The following LEPROTL1 variants were observed in gnomAD, a reference collection of about 807,000 sequenced individuals.
The protein encoded by LEPROTL1 is leptin receptor overlapping transcript-like 1.
In LEPROTL1, 6 loss-of-function variants were observed where a neutral mutation model predicts 15.4. That is an observed-to-expected ratio of 0.39 (90% CI 0.21 to 0.77). The LOEUF (loss-of-function observed/expected upper bound fraction) is 0.77. LEPROTL1 is among the 30% of genes least tolerant of loss of function. The pLI, the probability that LEPROTL1 is intolerant of heterozygous loss-of-function variation, is 0.41. For missense variants in LEPROTL1, 128 were observed against 158.1 expected, an observed-to-expected ratio of 0.81 and a Z score of 1.02; for synonymous variants, 56 against 52.6, an observed-to-expected ratio of 1.06 and a Z score of -0.28.
chr8:30,109,322 A>G (rs530598228), downstream of LEPROTL1, among the ~76,000 whole-genome samples: 15 of 152,280 alleles, frequency 9.9e-5, no homozygotes, highest in East Asian at 2.9e-3. Context: ...AGTGAAGATT[A>G]GGAGCTCTGA....
intron 4 of LEPROTL1, among the ~76,000 whole-genome samples, chr8:30,133,962 T>A (rs1585483005): frequency 6.6e-6 from 1 of 152,068 alleles, no homozygotes; most frequent in African/African-American, 2.4e-5. Context: ...AACCACAACC[T>A]TGCATAACAA....
At chr8:30,129,248 G>A (rs572756348) in intron 3 of LEPROTL1, among the ~76,000 whole-genome samples, 29 of 152,270 alleles carry the variant, frequency 1.9e-4, no homozygotes, top group African/African-American at 6.7e-4. Context: ...GACCCTCACT[G>A]TGTTATGTTC....
At chr8:30,126,958 T>G (rs1437734165) in intron 3 of LEPROTL1, among the ~76,000 whole-genome samples, 1 of 152,056 alleles carries the variant, frequency 6.6e-6, no homozygotes, top group Admixed American at 6.5e-5. Context: ...GAGAATCGCT[T>G]GAACCCAGGA....
Position 30,107,235 on chromosome 8 carries a change from C to T in LEPROTL1, c.*1373C>T. 1.0e-6 allele frequency: 1 copy of T among 985,438 alleles called. No homozygotes were observed. The highest frequency in any genetic ancestry group is 1.2e-6 in the Non-Finnish European group (1 of 829,922). The allele number at this position is 985,438 out of a possible 1,614,324, so 61.0% of individuals were successfully genotyped here. A position where few individuals can be genotyped will look rare whatever the true frequency, so the allele number is the denominator to read the frequency against. On this transcript the variant is annotated 3_prime_UTR_variant, in exon 4 of 4. Coordinates refer to ENST00000321250, the MANE Select transcript of LEPROTL1 (RefSeq NM_015344.3). ...TCCAGCTATATAGCAGCTTCAGAAA[C>T]ATACCTGACCAAAAAATTCCCAGTA...
chr8:30,137,518 G>A (rs1341655807), exon 5 of LEPROTL1: 2 of 1,510,492 alleles, frequency 1.3e-6, no homozygotes, highest in African/African-American at 2.8e-5. Flanking sequence ...ACTGCTCAGT[G>A]CCAGACACTG....
chr8:30,098,028 T>TG (rs1802401753), intron 1 of LEPROTL1, among the ~76,000 whole-genome samples: 1 of 152,134 alleles, frequency 6.6e-6, no homozygotes, highest in African/African-American at 2.4e-5. Flanking sequence ...GAGGCCCTCA[T>TG]GGTCCTAAGG....
chr8:30,111,004 G>A (rs1324573367), downstream of LEPROTL1, among the ~76,000 whole-genome samples: 1 of 152,168 alleles, frequency 6.6e-6, no homozygotes, highest in Non-Finnish European at 1.5e-5. Context: ...AAATGAACTT[G>A]TGTAGATTTG....
At chr8:30,130,994 G>T (rs1419466408) in intron 3 of LEPROTL1, among the ~76,000 whole-genome samples, 2 of 151,758 alleles carry the variant, frequency 1.3e-5, no homozygotes, top group African/African-American at 2.4e-5. Context: ...TGGCCAGGCT[G>T]GTCTTGAACT....
chr8:30,136,951 G>A (rs962526831), intron 4 of LEPROTL1, among the ~76,000 whole-genome samples: 29 of 152,198 alleles, frequency 1.9e-4, no homozygotes, highest in African/African-American at 6.0e-4. Flanking sequence ...GCCTCCCAAA[G>A]TGTTGGGATT....
intron 1 of LEPROTL1, 34 bp downstream of exon 1, chr8:30,095,562 G>A (rs1339203784): frequency 3.7e-5 from 50 of 1,355,306 alleles, no homozygotes; most frequent in Admixed American, 7.3e-5. Context: ...GGAGGGCTGG[G>A]GCCGGCGGGG....
intron 3 of LEPROTL1, among the ~76,000 whole-genome samples, chr8:30,127,972 G>C (rs1802933279): frequency 6.6e-6 from 1 of 152,132 alleles, no homozygotes; most frequent in South Asian, 2.1e-4. Context: ...GGAAGTAATA[G>C]AGTGGGTAAT....
At chr8:30,105,117 GT>G (rs1802540893) in intron 3 of LEPROTL1, 1 of 152,282 alleles carries the variant, frequency 6.6e-6, no homozygotes, top group Non-Finnish European at 1.5e-5. Flanking sequence ...ACCTGAGAAG[GT>G]GCATGTGCTC....
At chr8:30,131,854 A>G (rs1803021066) in intron 3 of LEPROTL1, 1 of 1,430,210 alleles carries the variant, frequency 7.0e-7, no homozygotes, top group East Asian at 2.5e-5. Flanking sequence ...TTTATTATGG[A>G]AAAGTTCAAA....
intron 3 of LEPROTL1, among the ~76,000 whole-genome samples, chr8:30,119,029 C>A (rs1802785794): frequency 6.6e-6 from 1 of 152,208 alleles, no homozygotes; most frequent in Non-Finnish European, 1.5e-5. Flanking sequence ...ATATTTCAGA[C>A]TATCACATGG....
chr8:30,129,641 G>C (rs1196075599), intron 3 of LEPROTL1, among the ~76,000 whole-genome samples: 1 of 150,040 alleles, frequency 6.7e-6, no homozygotes, highest in Non-Finnish European at 1.5e-5. Flanking sequence ...GGAGGCAGAG[G>C]TTGCAATGAG....
chr8:30,132,529 A>T, intron 4 of LEPROTL1: 1 of 1,551,684 alleles, frequency 6.4e-7, no homozygotes, highest in African/African-American at 1.4e-5. Context: ...CACGACATAG[A>T]TGCACTCGAA....
downstream of LEPROTL1, among the ~76,000 whole-genome samples, chr8:30,109,359 G>A (rs1802621378): frequency 6.6e-6 from 1 of 152,110 alleles, no homozygotes; most frequent in Non-Finnish European, 1.5e-5. Flanking sequence ...TTCATTTTAT[G>A]GCATTCTCAA....
At chr8:30,095,774 C>G (rs554474173) in intron 1 of LEPROTL1, 2 of 700,450 alleles carry the variant, frequency 2.9e-6, no homozygotes, top group East Asian at 5.4e-5. Flanking sequence ...TCGGCAGCCT[C>G]TCTCCCACCC....
intron 2 of LEPROTL1, among the ~76,000 whole-genome samples, chr8:30,103,578 T>C (rs1802505892): frequency 6.6e-6 from 1 of 151,850 alleles, no homozygotes; most frequent in African/African-American, 2.4e-5. Flanking sequence ...CCATCTCCAC[T>C]AAAAATACAA....
Sources: gnomAD v4.1 joint callset for allele counts (sites outside exome capture counted in the v4.1 genomes callset) on GRCh38, gnomAD v4.1.1 for gene constraint, MANE v1.5 for transcripts, NCBI Gene and HGNC (gene_info 2026-07-23, HGNC 2026-07-21) for gene names.